Variants in RANBP2 observed in about 807,000 individuals in gnomAD.
RANBP2 encodes E3 SUMO-protein ligase RanBP2.
Under a neutral mutation model 303.6 loss-of-function variants are expected in RANBP2, and 57 were observed. The observed-to-expected ratio is 0.19, with a 90% CI of 0.15 to 0.23. The LOEUF (loss-of-function observed/expected upper bound fraction) is 0.23, where lower values mean the gene tolerates loss of function less well. RANBP2 is among the 10% of genes least tolerant of loss of function. RANBP2 has a pLI of 1.00. For missense variants in RANBP2, 3,138 were observed against 3,780.8 expected (o/e 0.83, Z 4.46); for synonymous variants, 1,167 against 1,301.5 (o/e 0.90, Z 2.23).
At chr2:109,683,552 G>T in the RANBP2 span, among the ~76,000 whole-genome samples, 2 of 152,190 alleles carry the variant, frequency 1.3e-5, no homozygotes, top group African/African-American at 4.8e-5. Context: ...CAATACATGG[G>T]CCAGTCACTT....
chr2:109,395,667 A>G, the RANBP2 span, among the ~76,000 whole-genome samples: 83,770 of 152,046 alleles, frequency 0.55, 23,926 homozygotes, highest in African/African-American at 0.69. Context: ...GGCACAGTGC[A>G]GTCACTTGTG....
At chr2:109,474,494 AG>A in the RANBP2 span, among the ~76,000 whole-genome samples, 2 of 152,310 alleles carry the variant, frequency 1.3e-5, no homozygotes, top group Admixed American at 1.3e-4. Flanking sequence ...CCCTGGGGAC[AG>A]GCGGCAGCAG....
At chr2:109,527,971 C>T in the RANBP2 span, among the ~76,000 whole-genome samples, 18 of 152,162 alleles carry the variant, frequency 1.2e-4, no homozygotes, top group Non-Finnish European at 5.9e-5. Flanking sequence ...AGTGGAGACC[C>T]CTGCAGCCAG....
chr2:109,468,974 A>T, the RANBP2 span, among the ~76,000 whole-genome samples: 1 of 149,588 alleles, frequency 6.7e-6, no homozygotes, highest in African/African-American at 2.5e-5. Flanking sequence ...CCCGGGGGCT[A>T]CTAGATGCAT....
In RANBP2 at chr2:108,742,624, C is replaced by T. The variant is rs552799124; in HGVS notation, c.975+1943C>T. ...CGGCCTGTAAATCTTTTAAAAACAC[C>T]GTTGATAGACAGTTCACATGTTAAG... On this transcript the variant is annotated intron_variant, in intron 7 of 28. Transcript: ENST00000283195. Among the ~76,000 whole-genome samples, 8 of 151,994 alleles carry T rather than the reference C, an allele frequency of 5.3e-5. No individual in the cohort carries two copies. In the South Asian group the frequency reaches 1.5e-3, roughly 28 times the overall value.
the RANBP2 span, chr2:109,564,535 C>G: frequency 6.7e-7 from 1 of 1,493,702 alleles, no homozygotes; most frequent in Non-Finnish European, 9.0e-7. Flanking sequence ...TCATTTTCCA[C>G]TAGCCAAAAA....
At chr2:109,144,337 A>C in the RANBP2 span, among the ~76,000 whole-genome samples, 1 of 152,244 alleles carries the variant, frequency 6.6e-6, no homozygotes, top group Admixed American at 6.5e-5. Flanking sequence ...AACAGGGGAA[A>C]TATAAATTTA....
chr2:109,431,395 C>T, the RANBP2 span, among the ~76,000 whole-genome samples: 4 of 152,228 alleles, frequency 2.6e-5, no homozygotes, highest in African/African-American at 9.6e-5. Context: ...TCCCTCCGTT[C>T]AAAACCAACC....
At chr2:109,392,299 G>A in the RANBP2 span, among the ~76,000 whole-genome samples, 1 of 152,192 alleles carries the variant, frequency 6.6e-6, no homozygotes, top group Admixed American at 6.5e-5. Flanking sequence ...GATTCAATGA[G>A]ACATCTCAGA....
chr2:108,806,191 C>G, the RANBP2 span, among the ~76,000 whole-genome samples: 1 of 152,120 alleles, frequency 6.6e-6, no homozygotes, highest in Admixed American at 6.6e-5. Context: ...AATTTGACAG[C>G]CTGTTGTCTG....
the RANBP2 span, among the ~76,000 whole-genome samples, chr2:108,823,185 C>A: frequency 1.3e-5 from 2 of 152,138 alleles, no homozygotes; most frequent in African/African-American, 4.8e-5. Context: ...AGCCAGAGAG[C>A]TTCACTTTAG....
At chr2:108,924,887 G>A in the RANBP2 span, among the ~76,000 whole-genome samples, 5 of 152,198 alleles carry the variant, frequency 3.3e-5, no homozygotes, top group African/African-American at 9.7e-5. Context: ...GTGAGTTCAC[G>A]GGCATGTGGG....
the RANBP2 span, among the ~76,000 whole-genome samples, chr2:108,866,071 G>A: frequency 5.9e-5 from 9 of 152,100 alleles, no homozygotes; most frequent in Admixed American, 5.9e-4. Flanking sequence ...TTGACTTACT[G>A]GCTTTGATGT....
At chr2:109,068,616 G>C in the RANBP2 span, among the ~76,000 whole-genome samples, 2 of 152,196 alleles carry the variant, frequency 1.3e-5, no homozygotes, top group African/African-American at 4.8e-5. Context: ...TTTCAGGAAA[G>C]TCTCTGCTTT....
chr2:109,609,274 T>G, the RANBP2 span, among the ~76,000 whole-genome samples: 1 of 152,144 alleles, frequency 6.6e-6, no homozygotes, highest in South Asian at 2.1e-4. Flanking sequence ...GATAACATAC[T>G]TTCCATATAA....
the RANBP2 span, among the ~76,000 whole-genome samples, chr2:109,211,679 C>T: frequency 6.7e-6 from 1 of 150,314 alleles, no homozygotes; most frequent in African/African-American, 2.5e-5. Flanking sequence ...GAGTCTCGCT[C>T]TGTCACCCAG....
At chr2:108,804,806 T>C in the RANBP2 span, 1 of 1,272,030 alleles carries the variant, frequency 7.9e-7, no homozygotes, top group East Asian at 2.8e-5. Flanking sequence ...GAGTTCTTAC[T>C]TGTAATTAAT....
chr2:108,757,995 A>G (rs895414321), intron 17 of RANBP2, among the ~76,000 whole-genome samples: 2 of 152,210 alleles, frequency 1.3e-5, no homozygotes, highest in African/African-American at 4.8e-5. Flanking sequence ...GCAAATAGAA[A>G]CTTTCAAAAG....
the RANBP2 span, among the ~76,000 whole-genome samples, chr2:109,442,977 A>G: frequency 6.6e-6 from 1 of 152,258 alleles, no homozygotes; most frequent in Non-Finnish European, 1.5e-5. Context: ...ATACTTTAAT[A>G]CTTCAAGTCT....
Sources: gnomAD v4.1 joint callset for allele counts (sites outside exome capture counted in the v4.1 genomes callset) on GRCh38, gnomAD v4.1.1 for gene constraint, MANE v1.5 for transcripts, NCBI Gene and HGNC (gene_info 2026-07-23, HGNC 2026-07-21) for gene names.